The following PRRC2B variants were observed in gnomAD, a reference collection of about 807,000 sequenced individuals.
PRRC2B encodes the protein protein PRRC2B.
Under a neutral mutation model 242.3 loss-of-function variants are expected in PRRC2B, and 68 were observed. The observed-to-expected ratio is 0.28, with a 90% CI of 0.23 to 0.34. The LOEUF is 0.34. Ranked by LOEUF, PRRC2B falls within the 10% of genes least tolerant of loss-of-function variation. The pLI is 1.00. For synonymous variants in PRRC2B, 1,228 were observed against 1,173.6 expected, an observed-to-expected ratio of 1.05 and a Z score of -0.95; for missense variants, 2,835 against 2,954.8, an observed-to-expected ratio of 0.96 and a Z score of 0.94.
At position 131,472,471 on chromosome 9, in the gene PRRC2B, A is replaced by ATTTTTTTTT. The variant is rs749051569; in HGVS notation, c.2108-1022_2108-1014dup. Among the ~76,000 whole-genome samples the ATTTTTTTTT allele has an allele frequency of 4.4e-5, 4 of 91,520 alleles. 1 individual carries two copies. Among genetic ancestry groups the ATTTTTTTTT allele is most frequent in the African/African-American group, 4.6e-5 (1 of 21,764 alleles). 60.0% of individuals were successfully genotyped at this position (91,520 alleles called of 152,430 possible). A position where few individuals can be genotyped will look rare whatever the true frequency, so the allele number is the denominator to read the frequency against. ...AGGCGCCCACCACCACGCCCAGCTA[A>ATTTTTTTTT]TTTTTTTTTTTTTTTTTTTTTTTGA... On this transcript the variant is annotated intron_variant, in intron 14 of 31. Transcript: ENST00000683519.
intron 4 of PRRC2B, among the ~76,000 whole-genome samples, chr9:131,438,498 A>G (rs1233326114): frequency 6.6e-6 from 1 of 152,166 alleles, no homozygotes; most frequent in Non-Finnish European, 1.5e-5. Flanking sequence ...CACGGTCACT[A>G]CAGAAAGTGC....
intron 9 of PRRC2B, among the ~76,000 whole-genome samples, chr9:131,450,014 T>G (rs1942860260): frequency 6.6e-6 from 1 of 152,214 alleles, no homozygotes; most frequent in Non-Finnish European, 1.5e-5. Flanking sequence ...TTGCCAAAAG[T>G]CAATTGACTA....
At chr9:131,402,600 A>G (rs979117712) in intron 1 of PRRC2B, among the ~76,000 whole-genome samples, 2 of 152,080 alleles carry the variant, frequency 1.3e-5, no homozygotes, top group African/African-American at 2.4e-5. Flanking sequence ...GTTGTTTCCC[A>G]TTCATCACTG....
chr9:131,438,229 A>G (rs930787090), intron 4 of PRRC2B, among the ~76,000 whole-genome samples: 3 of 152,148 alleles, frequency 2.0e-5, no homozygotes, highest in Non-Finnish European at 4.4e-5. Context: ...TTGAGTGGAA[A>G]AGACGGGTGA....
In PRRC2B at chr9:131,494,929, T is replaced by G. The variant is rs183376141; in HGVS notation, c.6555+443T>G. The stretch of plus-strand genomic sequence containing the variant: ...TTCCCATTTTATAATGAAAAGGACA[T>G]CGCAGTGTCTTTTCCTGCACGCACT... On this transcript the variant is annotated intron_variant, in intron 31 of 31. Coordinates refer to ENST00000683519, the MANE Select transcript of PRRC2B (RefSeq NM_013318.4). The surrounding 1 kb of genome is among the most constrained non-coding windows in gnomAD (Gnocchi z 4.3). Among the ~76,000 whole-genome samples the G allele has an allele frequency of 6.6e-6, 1 of 152,316 alleles. No homozygotes were observed. The highest frequency in any genetic ancestry group is 2.4e-5 in the African/African-American group (1 of 41,574).
chr9:131,490,810 A>G, intron 28 of PRRC2B: 1 of 322,768 alleles, frequency 3.1e-6, no homozygotes. Context: ...AGGAATGCAG[A>G]GATATACGTC....
chr9:131,458,606 G>A (rs1943152304), intron 10 of PRRC2B, among the ~76,000 whole-genome samples: 1 of 151,886 alleles, frequency 6.6e-6, no homozygotes, highest in Admixed American at 6.6e-5. Context: ...TGGGGTTCAA[G>A]CACTTCTCCC....
rs1164556161 is a variant in PRRC2B at position 131,470,874 on chromosome 9, G to T, written c.1998G>T (p.Gln666His). ...GCACCTTTTACCCACACCACCCCCA[G>T]ATGTTGGGCTTCGATCCCAGGTGGA... The part of the protein sequence containing the change: ...PQRTFYPHHP[Q>H]MLGFDPRWMM... The change falls in exon 14 of 32, where the codon CAG (glutamine) becomes CAT (histidine). Residue 666 changes from glutamine (Q) to histidine (H), a missense_variant. By Grantham distance (24) the Gln-to-His change is conservative (BLOSUM62 0). Around this residue, in one of 7 missense-constraint regions of PRRC2B, gnomAD observed 1,536 missense variants for 1,483.1 expected, o/e 1.04. Transcript: ENST00000683519. 1 of 1,485,914 alleles carries T rather than the reference G, an allele frequency of 6.7e-7. No individual in the cohort carries two copies. 92.0% of individuals were successfully genotyped at this position (1,485,914 alleles called of 1,614,324 possible).
intron 1 of PRRC2B, among the ~76,000 whole-genome samples, chr9:131,426,797 C>T (rs1215407082): frequency 6.6e-6 from 1 of 152,178 alleles, no homozygotes; most frequent in Admixed American, 6.5e-5. Flanking sequence ...TCTCTTACGC[C>T]CTCTAGTACA....
chr9:131,420,653 C>T (rs761083355), intron 1 of PRRC2B, among the ~76,000 whole-genome samples: 4 of 151,010 alleles, frequency 2.6e-5, no homozygotes, highest in Non-Finnish European at 5.9e-5. Flanking sequence ...CCACGCCCAG[C>T]TAATTTTTGT....
chr9:131,458,904 G>A (rs943639854), intron 10 of PRRC2B, among the ~76,000 whole-genome samples: 3 of 152,214 alleles, frequency 2.0e-5, no homozygotes, highest in African/African-American at 4.8e-5. Flanking sequence ...TTGCTTTAAA[G>A]TGAGGATCAT....
chr9:131,498,201 TCCC>T lies in PRRC2B; in HGVS notation c.*2330_*2332del, dbSNP rs1944380877. On this transcript the variant is annotated 3_prime_UTR_variant, in exon 32 of 32. Coordinates refer to ENST00000683519, the MANE Select transcript of PRRC2B (RefSeq NM_013318.4). ...TACCTGGTATTTCCTTCCTTTCTCC[TCCC>T]CCACCCCAAATAAAAAAACAAAAAA... 4.0e-5 allele frequency: 6 copies of T among 151,702 alleles called. No homozygotes were observed. Among genetic ancestry groups the T allele is most frequent in the Admixed American group, 3.9e-4 (6 of 15,208 alleles). The allele number at this position is 151,702 out of a possible 1,614,324, so 9.4% of individuals were successfully genotyped here.
chr9:131,375,408 A>T (rs990709134), intron 1 of PRRC2B, among the ~76,000 whole-genome samples: 5 of 151,930 alleles, frequency 3.3e-5, no homozygotes, highest in South Asian at 4.2e-4. Context: ...CAAAAAAAAT[A>T]AAAAAAATAA....
At position 131,499,078 on chromosome 9, in the gene PRRC2B, A is replaced by AT. The variant is rs1421388560; in HGVS notation, c.*3206dup. Reference sequence around the variant, plus strand: ...AAAACAAAAGATGACTTTATTTCACATTCAAGAAAATCAGTTCAGTTCCAA... The same window carrying AT: ...AAAACAAAAGATGACTTTATTTCACATTTCAAGAAAATCAGTTCAGTTCCAA... On this transcript the variant is annotated 3_prime_UTR_variant, in exon 32 of 32. Coordinates refer to ENST00000683519, the MANE Select transcript of PRRC2B (RefSeq NM_013318.4). The AT allele has an allele frequency of 6.6e-6, 1 of 152,166 alleles. No homozygotes were observed. Among genetic ancestry groups the AT allele is most frequent in the Non-Finnish European group, 1.5e-5 (1 of 68,028 alleles). The allele number at this position is 152,166 out of a possible 1,614,324, so 9.4% of individuals were successfully genotyped here.
In PRRC2B at chr9:131,407,227, G is replaced by A. The variant is rs537012399; in HGVS notation, c.-52+12964G>A. On this transcript the variant is annotated intron_variant, in intron 1 of 31. Coordinates refer to ENST00000683519, the MANE Select transcript of PRRC2B (RefSeq NM_013318.4). Reference sequence around the variant, plus strand: ...AGCTTTACAATTTGCTGTTGACATGGTTGGAGGGTGGGGGAAGGGGAAAGG... The same window carrying A: ...AGCTTTACAATTTGCTGTTGACATGATTGGAGGGTGGGGGAAGGGGAAAGG... Among the ~76,000 whole-genome samples the A allele has an allele frequency of 1.2e-3, 190 of 152,308 alleles. 1 individual carries two copies. Among genetic ancestry groups the A allele is most frequent in the African/African-American group, 4.0e-3 (165 of 41,564 alleles).
rs574722274 is a variant in PRRC2B, at chr9:131,477,798, C to G, written c.4461C>G (p.Gly1487=). The G allele has an allele frequency of 6.2e-7, 1 of 1,611,696 alleles. No individual in the cohort carries two copies. Among genetic ancestry groups the G allele is most frequent in the African/African-American group, 1.3e-5 (1 of 75,030 alleles). ...TTAGTGGCTGCAGCAGTGGGAGTGG[C>G]CACTCCCCCTATGCCCTGGAGCGGG... ...GGLSGCSSGS[G]HSPYALERAA... Residue 1487 remains glycine (G), a synonymous_variant, in exon 17 of 32, where the codon GGC becomes GGG. Coordinates refer to ENST00000683519, the MANE Select transcript of PRRC2B (RefSeq NM_013318.4).
In PRRC2B at chr9:131,458,016, T is replaced by G. The variant is rs946928333; in HGVS notation, c.1212-1148T>G. Among the ~76,000 whole-genome samples the G allele has an allele frequency of 1.8e-4, 27 of 152,166 alleles. 1 individual carries two copies. Among genetic ancestry groups the G allele is most frequent in the Admixed American group, 9.8e-4 (15 of 15,270 alleles). ...TATTACCGGGCCCTTGCAAATGCTTTGCCCCAGCACCATTGCTTCCATTGT... is the reference window on the plus strand; with the variant it reads ...TATTACCGGGCCCTTGCAAATGCTTGGCCCCAGCACCATTGCTTCCATTGT... On this transcript the variant is annotated intron_variant, in intron 10 of 31. Coordinates refer to ENST00000683519, the MANE Select transcript of PRRC2B (RefSeq NM_013318.4).
At chr9:131,438,540 A>G (rs1302884226) in intron 4 of PRRC2B, among the ~76,000 whole-genome samples, 1 of 152,132 alleles carries the variant, frequency 6.6e-6, no homozygotes, top group African/African-American at 2.4e-5. Context: ...AAGATCTGGC[A>G]TGTTGGCCTT....
intron 1 of PRRC2B, among the ~76,000 whole-genome samples, chr9:131,403,287 T>C (rs956328509): frequency 6.6e-6 from 1 of 152,138 alleles, no homozygotes; most frequent in African/African-American, 2.4e-5. Flanking sequence ...TATTTTCTGG[T>C]TTTTTGTTTG....
Sources: allele counts gnomAD v4.1 joint callset (sites outside exome capture counted in the v4.1 genomes callset), GRCh38; gene constraint gnomAD v4.1.1; regional missense constraint gnomAD v4.1.1; non-coding constraint Gnocchi (gnomAD v3.1); transcripts MANE v1.5; gene names NCBI Gene and HGNC (gene_info 2026-07-23, HGNC 2026-07-21).